Variants in CDH12 observed in about 807,000 individuals in gnomAD.
CDH12 encodes cadherin-12.
In CDH12, 41 loss-of-function variants were observed where a neutral mutation model predicts 74.1. That is an observed-to-expected ratio of 0.55 (90% CI 0.43 to 0.72). The LOEUF is 0.72. Among genes scored for constraint, CDH12 ranks in the 30% least tolerant of loss-of-function variants. The probability of loss-of-function intolerance (pLI) is 0.00; values close to 1 mark genes in which losing one functional copy is unlikely to be tolerated. For synonymous variants in CDH12, 399 were observed against 355.0 expected (o/e 1.12, Z -1.39); for missense variants, 945 against 977.2 (o/e 0.97, Z 0.44).
chr5:22,017,517 A>G (rs1737677890), intron 5 of CDH12, among the ~76,000 whole-genome samples: 2 of 152,048 alleles, frequency 1.3e-5, no homozygotes, highest in Non-Finnish European at 2.9e-5. Context: ...TCTCTATTTC[A>G]TTAACATTAA....
At chr5:22,126,827 C>G (rs188611907) in intron 4 of CDH12, among the ~76,000 whole-genome samples, 1 of 152,106 alleles carries the variant, frequency 6.6e-6, no homozygotes, top group African/African-American at 2.4e-5. Context: ...GGCTAATTAC[C>G]AAGATGTTAA....
intron 13 of CDH12, 103 bp downstream of exon 13, chr5:21,760,455 T>C (rs1254129205): frequency 1.5e-6 from 1 of 685,664 alleles, no homozygotes; most frequent in Non-Finnish European, 2.6e-6. Flanking sequence ...GGATCTCATA[T>C]TTTATGAAAT....
chr5:22,819,900 T>C (rs1049316170), intron 1 of CDH12, among the ~76,000 whole-genome samples: 11 of 148,400 alleles, frequency 7.4e-5, no homozygotes, highest in African/African-American at 2.7e-4. Context: ...ATATAAGATA[T>C]CTAGATATTT....
At chr5:22,497,638 C>CTT (rs747466944) in intron 2 of CDH12, among the ~76,000 whole-genome samples, 22,370 of 83,208 alleles carry the variant, frequency 0.27, 4,684 homozygotes, top group Admixed American at 0.37. Context: ...TGTCGAATCT[C>CTT]TTTTTTTTTT....
chr5:22,398,334 G>A (rs145100507), intron 3 of CDH12, among the ~76,000 whole-genome samples: 6 of 152,178 alleles, frequency 3.9e-5, no homozygotes, highest in Non-Finnish European at 7.4e-5. Context: ...GTGAAACAAT[G>A]GAAGCCCCAC....
chr5:22,620,065 A>T (rs1737894797), intron 1 of CDH12, among the ~76,000 whole-genome samples: 1 of 152,194 alleles, frequency 6.6e-6, no homozygotes, highest in African/African-American at 2.4e-5. Flanking sequence ...ATCTTGGTCA[A>T]TAAAAAAGCT....
In CDH12 at chr5:22,416,098, G is replaced by A. The variant is rs1320731897; in HGVS notation, c.-427-10747C>T. 8.7e-4 allele frequency among the ~76,000 whole-genome samples: 86 copies of A among 98,844 alleles called. 1 individual carries two copies. The highest frequency in any genetic ancestry group is 1.3e-3 in the Non-Finnish European group (74 of 55,962). 64.8% of individuals were successfully genotyped at this position (98,844 alleles called of 152,430 possible). On this transcript the variant is annotated intron_variant, in intron 2 of 14. Coordinates refer to ENST00000382254, the MANE Select transcript of CDH12 (RefSeq NM_004061.5). Reference sequence around the variant, plus strand: ...TTTTTTTTTTTTTTTTTTTTGAGACGGAGTCTCGCTCTGTGGCCCAGGCGG... The same window carrying A: ...TTTTTTTTTTTTTTTTTTTTGAGACAGAGTCTCGCTCTGTGGCCCAGGCGG...
Position 21,751,772 on chromosome 5 carries a change from C to G in CDH12, c.2350G>C (p.Glu784Gln), listed in dbSNP as rs754245616. The G allele has an allele frequency of 6.2e-7, 1 of 1,613,884 alleles. No individual in the cohort carries two copies. The highest frequency in any genetic ancestry group is 8.5e-7 in the Non-Finnish European group (1 of 1,179,940). ...RFKVLADMFG[E>Q]EESYNPDKVT ...TTATCAGGGTTATAACTCTCTTCTT[C>G]GCCAAACATGTCTGCCAAGACTTTA... The change falls in exon 15 of 15, where the codon GAA becomes CAA. Residue 784 changes from glutamate to glutamine, a missense_variant. Coordinates refer to ENST00000382254, the MANE Select transcript of CDH12 (RefSeq NM_004061.5).
At chr5:22,153,005 A>G (rs1239616500) in intron 4 of CDH12, among the ~76,000 whole-genome samples, 1 of 151,744 alleles carries the variant, frequency 6.6e-6, no homozygotes, top group Non-Finnish European at 1.5e-5. Context: ...TTACCCATCC[A>G]CTTCTTGATG....
chr5:22,798,158 A>C (rs1315090518), intron 1 of CDH12, among the ~76,000 whole-genome samples: 1 of 152,166 alleles, frequency 6.6e-6, no homozygotes, highest in Non-Finnish European at 1.5e-5. Flanking sequence ...GTCTCACTTT[A>C]TAATGTACTA....
chr5:22,078,662 G>C lies in CDH12; in HGVS notation c.15C>G (p.Asn5Lys), dbSNP rs762964008. Reference protein sequence around the residue: MLTRNCLSLLLWVLF... With the variant: MLTRKCLSLLLWVLF... ...GAACCCAGAGAAGCAGGGATAAACA[G>C]TTCCTTGTAAGCATTGGCAAAGGCT... The change falls in exon 5 of 15, where the codon AAC becomes AAG. Residue 5 changes from asparagine (N) to lysine (K), a missense_variant. Transcript: ENST00000382254. The C allele has an allele frequency of 5.6e-6, 9 of 1,613,466 alleles. No homozygotes were observed. The highest frequency in any genetic ancestry group is 6.8e-6 in the Non-Finnish European group (8 of 1,179,646).
chr5:21,823,391 C>A (rs968137268), intron 8 of CDH12, among the ~76,000 whole-genome samples: 2 of 152,066 alleles, frequency 1.3e-5, no homozygotes, highest in African/African-American at 4.8e-5. Context: ...TGGGACCTAT[C>A]ATCTCTAATG....
At chr5:21,882,913 A>C (rs1349294958) in intron 6 of CDH12, 8 of 1,604,752 alleles carry the variant, frequency 5.0e-6, no homozygotes, top group Non-Finnish European at 6.8e-6. Flanking sequence ...ACAAATGAAG[A>C]ATCTGGGGAT....
intron 1 of CDH12, among the ~76,000 whole-genome samples, chr5:22,615,253 A>G (rs150426348): frequency 7.4e-4 from 113 of 152,164 alleles, no homozygotes; most frequent in Middle Eastern, 6.8e-3. Flanking sequence ...CCTCACATTA[A>G]AGTCTTGGAT....
intron 1 of CDH12, among the ~76,000 whole-genome samples, chr5:22,558,245 A>C (rs538888691): frequency 5.8e-4 from 88 of 152,178 alleles, no homozygotes; most frequent in Non-Finnish European, 9.4e-4. Flanking sequence ...GGAAAGTTGG[A>C]AATGGTACTC....
At chr5:22,059,844 T>C (rs933774429) in intron 5 of CDH12, among the ~76,000 whole-genome samples, 31 of 152,170 alleles carry the variant, frequency 2.0e-4, no homozygotes, top group African/African-American at 2.4e-5. Context: ...AATTCTTACA[T>C]TTTAATGAAA....
intron 3 of CDH12, among the ~76,000 whole-genome samples, chr5:22,272,797 C>T (rs943900944): frequency 2.0e-5 from 3 of 152,038 alleles, no homozygotes; most frequent in African/African-American, 4.8e-5. Context: ...GTGCTGTGTT[C>T]GTCTGTTTTT....
At chr5:22,273,793 T>C (rs1170638278) in intron 3 of CDH12, among the ~76,000 whole-genome samples, 2 of 152,198 alleles carry the variant, frequency 1.3e-5, no homozygotes, top group Non-Finnish European at 2.9e-5. Context: ...GTCTGTTTCC[T>C]CTTCCTTATT....
chr5:22,218,998 T>C lies in CDH12; in HGVS notation c.-332-6355A>G, dbSNP rs142984054. On this transcript the variant is annotated intron_variant, in intron 3 of 14. Coordinates refer to ENST00000382254, the MANE Select transcript of CDH12 (RefSeq NM_004061.5). ...TTTAAACTTAATGTCCTAGTATCTA[T>C]CCAGATAATAGTTCAGTAAAATTTT... Among the ~76,000 whole-genome samples the C allele has an allele frequency of 4.9e-3, 746 of 151,888 alleles. 14 individuals are homozygous for C. The South Asian group carries it at 0.077, about 16-fold the overall frequency.
Sources: gnomAD v4.1 joint callset for allele counts (sites outside exome capture counted in the v4.1 genomes callset) on GRCh38, gnomAD v4.1.1 for gene constraint, MANE v1.5 for transcripts, NCBI Gene and HGNC (gene_info 2026-07-23, HGNC 2026-07-21) for gene names.